The following COL21A1 variants were observed in gnomAD, a reference collection of about 807,000 sequenced individuals.
The protein encoded by COL21A1 is collagen alpha-1(XXI) chain.
Under a neutral mutation model 137.9 loss-of-function variants are expected in COL21A1, and 149 were observed. The observed-to-expected ratio is 1.08, with a 90% CI of 0.95 to 1.24. The LOEUF (loss-of-function observed/expected upper bound fraction) is 1.24. COL21A1 is among the 50% of genes most tolerant of loss of function. The pLI is 0.00. For synonymous variants in COL21A1, 456 were observed against 391.5 expected, an observed-to-expected ratio of 1.16 and a Z score of -1.95; for missense variants, 1,167 against 1,158.4, an observed-to-expected ratio of 1.01 and a Z score of -0.11.
At chr6:56,324,667 C>T (rs7775317) in intron 1 of COL21A1, among the ~76,000 whole-genome samples, 149,952 of 152,114 alleles carry the variant, frequency 0.99, 73,943 homozygotes, top group Middle Eastern at 1. Flanking sequence ...TGAACAGCCA[C>T]GGACCCCCAA....
At chr6:56,136,448 C>T (rs937464510) in intron 12 of COL21A1, among the ~76,000 whole-genome samples, 2 of 152,186 alleles carry the variant, frequency 1.3e-5, no homozygotes, top group Non-Finnish European at 2.9e-5. Flanking sequence ...GGGGGAGTCA[C>T]ACTCTTGGTC....
intron 17 of COL21A1, among the ~76,000 whole-genome samples, chr6:56,094,977 C>T (rs1259844367): frequency 6.6e-6 from 1 of 152,016 alleles, no homozygotes; most frequent in Admixed American, 6.6e-5. Flanking sequence ...CAAATAAAAC[C>T]ATATTTACAG....
intron 16 of COL21A1, among the ~76,000 whole-genome samples, chr6:56,120,840 A>G (rs966586638): frequency 4.0e-5 from 6 of 151,800 alleles, no homozygotes; most frequent in Non-Finnish European, 4.4e-5. Flanking sequence ...CTACCATATG[A>G]TCCAGCAATC....
intron 16 of COL21A1, among the ~76,000 whole-genome samples, chr6:56,111,674 G>A (rs1283093866): frequency 2.0e-5 from 3 of 149,500 alleles, no homozygotes; most frequent in Non-Finnish European, 3.0e-5. Context: ...GACCAGCCTG[G>A]CCAACATGGT....
chr6:56,381,373 C>T (rs1052735316), intron 1 of COL21A1, among the ~76,000 whole-genome samples: 2 of 152,126 alleles, frequency 1.3e-5, no homozygotes, highest in Non-Finnish European at 2.9e-5. Flanking sequence ...GGACCTCTGC[C>T]CAAGCAGAAA....
intron 1 of COL21A1, among the ~76,000 whole-genome samples, chr6:56,389,129 G>A (rs906631352): frequency 2.0e-5 from 3 of 152,200 alleles, no homozygotes; most frequent in African/African-American, 7.2e-5. Flanking sequence ...TTGGGAGGCT[G>A]AGGCAGTGGA....
At chr6:56,345,269 A>C (rs1318196709) in intron 1 of COL21A1, among the ~76,000 whole-genome samples, 1 of 152,198 alleles carries the variant, frequency 6.6e-6, no homozygotes, top group Non-Finnish European at 1.5e-5. Context: ...ACTGTGAAAT[A>C]AGGTGCATGA....
chr6:56,185,949 G>A (rs1778264649), intron 1 of COL21A1, among the ~76,000 whole-genome samples: 1 of 151,730 alleles, frequency 6.6e-6, no homozygotes, highest in Middle Eastern at 3.4e-3. Context: ...TAAAGGAGAA[G>A]TGAACTCCCC....
chr6:56,388,511 T>C (rs1004907059), intron 1 of COL21A1, among the ~76,000 whole-genome samples: 3 of 152,244 alleles, frequency 2.0e-5, no homozygotes, highest in African/African-American at 4.8e-5. Flanking sequence ...CTGTCCAATG[T>C]TGTGCCTCTA....
chr6:56,391,091 A>C (rs774256684), intron 1 of COL21A1, among the ~76,000 whole-genome samples: 23 of 152,182 alleles, frequency 1.5e-4, no homozygotes, highest in Non-Finnish European at 3.2e-4. Context: ...GTCCCAAAAA[A>C]TTCAGAAAAA....
chr6:56,260,759 T>C (rs931574176), intron 1 of COL21A1, among the ~76,000 whole-genome samples: 1 of 150,354 alleles, frequency 6.7e-6, no homozygotes, highest in Admixed American at 6.6e-5. Flanking sequence ...AAGGAATCAA[T>C]CTTGGGGGAA....
rs1281274662 is a variant in COL21A1, at chr6:56,056,927, G to A, written c.*730C>T. ...TCAACAAGTATAAAATAGTCTTTTAGTACTTCCAAACTTACATTTTCTTTG... is the reference window on the plus strand; with the variant it reads ...TCAACAAGTATAAAATAGTCTTTTAATACTTCCAAACTTACATTTTCTTTG... On this transcript the variant is annotated 3_prime_UTR_variant, in exon 30 of 30. Coordinates refer to ENST00000244728, the MANE Select transcript of COL21A1 (RefSeq NM_030820.4). The A allele has an allele frequency of 6.6e-6, 1 of 152,192 alleles. No individual in the cohort carries two copies. Among genetic ancestry groups the A allele is most frequent in the Non-Finnish European group, 1.5e-5 (1 of 68,060 alleles). 9.4% of individuals were successfully genotyped at this position (152,192 alleles called of 1,614,324 possible).
At chr6:56,313,774 A>T (rs1764665647) in intron 1 of COL21A1, among the ~76,000 whole-genome samples, 1 of 152,172 alleles carries the variant, frequency 6.6e-6, no homozygotes, top group Non-Finnish European at 1.5e-5. Flanking sequence ...AACACAATTC[A>T]GTCCATAGCA....
intron 1 of COL21A1, among the ~76,000 whole-genome samples, chr6:56,195,674 T>C (rs921360022): frequency 3.2e-4 from 48 of 152,048 alleles, no homozygotes; most frequent in African/African-American, 1.2e-3. Context: ...TTACCAAAAC[T>C]GAATGATGAT....
chr6:56,233,843 A>G (rs1562010577), intron 1 of COL21A1, among the ~76,000 whole-genome samples: 1 of 151,764 alleles, frequency 6.6e-6, no homozygotes, highest in Non-Finnish European at 1.5e-5. Context: ...GATGCCTAAA[A>G]AGAAATAAAT....
chr6:56,332,583 C>G (rs914415815), intron 1 of COL21A1, among the ~76,000 whole-genome samples: 1 of 147,132 alleles, frequency 6.8e-6, no homozygotes, highest in Admixed American at 6.7e-5. Flanking sequence ...CCAAATAGCC[C>G]CCCCGCCCCC....
intron 10 of COL21A1, 111 bp from the exon 11 acceptor site, chr6:56,142,094 C>G: frequency 1.4e-6 from 1 of 737,514 alleles, no homozygotes; most frequent in Non-Finnish European, 2.2e-6. Context: ...TAAAACTTCA[C>G]TTAGAGACAA....
chr6:56,130,286 A>ATG (rs1773453979), intron 12 of COL21A1, among the ~76,000 whole-genome samples: 1 of 148,958 alleles, frequency 6.7e-6, no homozygotes, highest in African/African-American at 2.5e-5. Context: ...TATTATATAT[A>ATG]TATATTTCCC....
At chr6:56,320,309 C>A (rs1451121737) in intron 1 of COL21A1, among the ~76,000 whole-genome samples, 1 of 152,044 alleles carries the variant, frequency 6.6e-6, no homozygotes, top group African/African-American at 2.4e-5. Context: ...TTCCATATAG[C>A]CATCAGCTCT....
Sources: allele counts gnomAD v4.1 joint callset (sites outside exome capture counted in the v4.1 genomes callset), GRCh38; gene constraint gnomAD v4.1.1; transcripts MANE v1.5; gene names NCBI Gene and HGNC (gene_info 2026-07-23, HGNC 2026-07-21).